Variants in ALKBH8 observed in about 807,000 individuals in gnomAD.
ALKBH8 encodes the protein alkB homolog 8, tRNA methyltransferase.
Under a neutral mutation model 59.8 loss-of-function variants are expected in ALKBH8, and 36 were observed. The ratio of observed to expected loss-of-function variants is 0.60; its 90% CI spans 0.46 to 0.79. ALKBH8 has a LOEUF of 0.79. Among genes scored for constraint, ALKBH8 ranks in the 30% least tolerant of loss-of-function variants. The pLI, the probability that ALKBH8 is intolerant of heterozygous loss-of-function variation, is 0.00. For synonymous variants in ALKBH8, 276 were observed against 273.6 expected, an observed-to-expected ratio of 1.01 and a Z score of -0.09; for missense variants, 768 against 801.0, an observed-to-expected ratio of 0.96 and a Z score of 0.50.
At chr11:107,547,337 G>A (rs1864302891) in intron 7 of ALKBH8, among the ~76,000 whole-genome samples, 1 of 152,188 alleles carries the variant, frequency 6.6e-6, no homozygotes, top group Non-Finnish European at 1.5e-5. Flanking sequence ...CAAGTTGCAA[G>A]AGTGGAAAGT....
chr11:107,508,975 G>A (rs1006656291), intron 11 of ALKBH8, among the ~76,000 whole-genome samples: 1 of 152,184 alleles, frequency 6.6e-6, no homozygotes, highest in African/African-American at 2.4e-5. Context: ...GAACGTAGGT[G>A]TATAAATATC....
intron 10 of ALKBH8, among the ~76,000 whole-genome samples, chr11:107,511,658 C>T (rs1348968717): frequency 6.6e-6 from 1 of 152,116 alleles, no homozygotes; most frequent in Non-Finnish European, 1.5e-5. Flanking sequence ...CTCATGGCAA[C>T]CTCCACGTCC....
Position 107,549,825 on chromosome 11 carries a change from T to C in ALKBH8, c.701-2A>G. The C allele has an allele frequency of 6.5e-7, 1 of 1,544,674 alleles. No individual in the cohort carries two copies. The highest frequency in any genetic ancestry group is 8.8e-7 in the Non-Finnish European group (1 of 1,141,140). On this transcript the variant is annotated splice_acceptor_variant, in intron 6 of 11. Transcript: ENST00000428149. LOFTEE classifies it high-confidence loss of function. ...GTGTATCAATATGAGCGGGAATTCCTGAGATGGAAAACAGGACAACACGTC... is the reference window on the plus strand; with the variant it reads ...GTGTATCAATATGAGCGGGAATTCCCGAGATGGAAAACAGGACAACACGTC...
Position 107,556,988 on chromosome 11 carries a change from TGGCAACAACCA to T in ALKBH8, c.134_144del (p.Leu45GlnfsTer6). 6.3e-7 allele frequency: 1 copy of T among 1,585,084 alleles called. No homozygotes were observed. Among genetic ancestry groups the T allele is most frequent in the African/African-American group, 1.4e-5 (1 of 73,378 alleles). ...CTCACACCATTACCCAAACCACCAT[TGGCAACAACCA>T]GGCTCTTAAAAAACAAACAAACAAA... is the stretch of plus-strand genomic sequence containing the variant. On this transcript the variant is annotated frameshift_variant, in exon 3 of 12. Coordinates refer to ENST00000428149, the MANE Select transcript of ALKBH8 (RefSeq NM_138775.3). LOFTEE classifies it high-confidence loss of function.
intron 9 of ALKBH8, 73 bp from the exon 10 acceptor site, chr11:107,522,628 A>G: frequency 6.8e-6 from 6 of 877,972 alleles, no homozygotes; most frequent in Non-Finnish European, 7.6e-6. Context: ...TTCTTAAATG[A>G]AAAAAAAAAA....
Position 107,504,861 on chromosome 11 carries a change from G to A in ALKBH8, c.1792C>T (p.Leu598Phe), listed in dbSNP as rs996719559. ...YSQDVLVPWH[L>F]KGNPDKGKPV... ...TTGCCTTTATCAGGATTTCCCTTAA[G>A]GTGCCAGGGAACCAGTACATCTTGA... Residue 598 changes from leucine (L) to phenylalanine (F), a missense_variant, in exon 12 of 12, where the codon CTT (leucine) becomes TTT (phenylalanine). Transcript: ENST00000428149. The A allele has an allele frequency of 1.3e-6, 2 of 1,551,634 alleles. No individual in the cohort carries two copies. Among genetic ancestry groups the A allele is most frequent in the Middle Eastern group, 1.7e-4 (1 of 6,014 alleles).
chr11:107,540,167 C>G (rs926659599), intron 7 of ALKBH8, among the ~76,000 whole-genome samples: 2 of 152,190 alleles, frequency 1.3e-5, no homozygotes, highest in Non-Finnish European at 2.9e-5. Context: ...AGGGTATATA[C>G]ATCTGGGAAT....
chr11:107,532,304 G>A lies in ALKBH8; in HGVS notation c.874C>T (p.His292Tyr). ...CTGTCATATTTCAATACATACCCAT[G>A]GGTCCAAAGGTATCTAGATTCTCCT... Reference protein sequence around the residue: ...MTGESRYLWTHGITCRKFDTV... With the variant: ...MTGESRYLWTYGITCRKFDTV... The change falls in exon 8 of 12, where the codon CAT becomes TAT. Residue 292 changes from histidine (H) to tyrosine (Y), a missense_variant. His to Tyr is a moderately conservative substitution (Grantham distance 83). Transcript: ENST00000428149. 1 of 1,611,384 alleles carries A rather than the reference G, an allele frequency of 6.2e-7. No individual in the cohort carries two copies. The highest frequency in any genetic ancestry group is 1.3e-5 in the African/African-American group (1 of 74,960).
chr11:107,526,932 G>A (rs1863381045), intron 8 of ALKBH8, among the ~76,000 whole-genome samples: 2 of 151,854 alleles, frequency 1.3e-5, no homozygotes, highest in African/African-American at 4.8e-5. Context: ...TGATCTATCT[G>A]TCTATCTGTA....
At chr11:107,513,386 G>C (rs1199220348) in intron 10 of ALKBH8, among the ~76,000 whole-genome samples, 2 of 151,862 alleles carry the variant, frequency 1.3e-5, no homozygotes, top group Non-Finnish European at 2.9e-5. Flanking sequence ...TTTTTAAAAA[G>C]TCAAAAAAAT....
intron 10 of ALKBH8, among the ~76,000 whole-genome samples, chr11:107,517,044 C>T (rs1862893103): frequency 6.6e-6 from 1 of 151,788 alleles, no homozygotes; most frequent in South Asian, 2.1e-4. Context: ...CAAAACAAAG[C>T]AAAACAAAAA....
intron 1 of ALKBH8, among the ~76,000 whole-genome samples, chr11:107,564,169 G>A (rs1007772092): frequency 2.0e-4 from 30 of 152,176 alleles, no homozygotes; most frequent in Admixed American, 3.3e-4. Flanking sequence ...CAGCCTAAGC[G>A]TACTCTCTGT....
chr11:107,545,423 T>C (rs1218715651), intron 7 of ALKBH8, among the ~76,000 whole-genome samples: 1 of 152,130 alleles, frequency 6.6e-6, no homozygotes, highest in East Asian at 1.9e-4. Context: ...ATAAATAATT[T>C]TTACTCAGTA....
chr11:107,507,229 T>G (rs1862424860), intron 11 of ALKBH8, among the ~76,000 whole-genome samples: 1 of 152,202 alleles, frequency 6.6e-6, no homozygotes, highest in African/African-American at 2.4e-5. Flanking sequence ...ACAGCTCTCT[T>G]AGCCTTAGAT....
chr11:107,549,114 G>A (rs1461355457), intron 7 of ALKBH8, among the ~76,000 whole-genome samples: 1 of 152,136 alleles, frequency 6.6e-6, no homozygotes, highest in Non-Finnish European at 1.5e-5. Flanking sequence ...GCCTCCCAAA[G>A]TGCTGGGATT....
intron 10 of ALKBH8, among the ~76,000 whole-genome samples, chr11:107,519,747 C>T (rs115835337): frequency 1.1e-3 from 175 of 152,244 alleles, no homozygotes; most frequent in African/African-American, 3.9e-3. Flanking sequence ...TTGTAGCATT[C>T]GAGATTTCAA....
intron 10 of ALKBH8, among the ~76,000 whole-genome samples, chr11:107,511,454 C>T (rs796514146): frequency 6.6e-6 from 1 of 152,078 alleles, no homozygotes; most frequent in East Asian, 1.9e-4. Context: ...CTCTCATTAC[C>T]GTATATACTA....
intron 9 of ALKBH8, among the ~76,000 whole-genome samples, chr11:107,522,956 C>T (rs1454425329): frequency 6.6e-6 from 1 of 151,918 alleles, no homozygotes; most frequent in South Asian, 2.1e-4. Context: ...TACCTGCCTT[C>T]GGGCCCCCTC....
intron 7 of ALKBH8, among the ~76,000 whole-genome samples, chr11:107,538,366 C>G (rs187539000): frequency 6.6e-6 from 1 of 151,954 alleles, no homozygotes; most frequent in Non-Finnish European, 1.5e-5. Flanking sequence ...TAACTAAATG[C>G]TTGTTAAAAG....
Sources: allele counts gnomAD v4.1 joint callset (sites outside exome capture counted in the v4.1 genomes callset), GRCh38; gene constraint gnomAD v4.1.1; transcripts MANE v1.5; gene names NCBI Gene and HGNC (gene_info 2026-07-23, HGNC 2026-07-21).